Variants in CNIH3 observed in about 807,000 individuals in gnomAD.
CNIH3 encodes the protein protein cornichon homolog 3.
CNIH3 carries 14 observed loss-of-function variants against 24.1 expected under a neutral mutation model. That is an observed-to-expected ratio of 0.58 (90% CI 0.38 to 0.91). The LOEUF (loss-of-function observed/expected upper bound fraction) is 0.91. Among genes scored for constraint, CNIH3 ranks in the 40% least tolerant of loss-of-function variants. The pLI, the probability that CNIH3 is intolerant of heterozygous loss-of-function variation, is 0.00. For synonymous variants in CNIH3, 68 were observed against 73.8 expected (o/e 0.92, Z 0.40); for missense variants, 178 against 196.8 (o/e 0.90, Z 0.57).
At chr1:224,456,264 G>A (rs572344086) in intron 1 of CNIH3, among the ~76,000 whole-genome samples, 1 of 152,114 alleles carries the variant, frequency 6.6e-6, no homozygotes, top group East Asian at 1.9e-4. Context: ...GCATAGCAAC[G>A]TTCCATCCAC....
intron 1 of CNIH3, among the ~76,000 whole-genome samples, chr1:224,452,579 A>G (rs1229628541): frequency 1.3e-5 from 2 of 149,710 alleles, no homozygotes; most frequent in African/African-American, 4.9e-5. Flanking sequence ...CAGGAGATTG[A>G]GACCATCCTG....
In CNIH3 at chr1:224,702,091, GTT is replaced by G. The variant is rs34747065; in HGVS notation, c.198+17257_198+17258del. On this transcript the variant is annotated intron_variant, in intron 3 of 5. Transcript: ENST00000272133. ...ATGCACAGATATACACTCCAGCTCA[GTT>G]TTTTTTTTGTTTCTCTTTCCTAATA... 2.6e-5 allele frequency among the ~76,000 whole-genome samples: 4 copies of G among 151,090 alleles called. 1 individual carries two copies. Among genetic ancestry groups the G allele is most frequent in the Non-Finnish European group, 5.9e-5 (4 of 67,840 alleles).
intron 3 of CNIH3, among the ~76,000 whole-genome samples, chr1:224,609,466 G>A (rs1040676310): frequency 1.3e-5 from 2 of 152,208 alleles, no homozygotes; most frequent in Middle Eastern, 3.4e-3. Flanking sequence ...TGTTTGGATG[G>A]GGGTGTTGAG....
chr1:224,700,447 C>G (rs1687424828), intron 3 of CNIH3, among the ~76,000 whole-genome samples: 1 of 152,150 alleles, frequency 6.6e-6, no homozygotes, highest in Admixed American at 6.5e-5. Context: ...AAACAACATC[C>G]CATTGGCTAG....
chr1:224,664,727 T>G (rs1053672332), intron 1 of CNIH3: 2 of 152,196 alleles, frequency 1.3e-5, no homozygotes, highest in Non-Finnish European at 2.9e-5. Flanking sequence ...TCTGGGAAAC[T>G]TATTTTTAAT....
rs779741438 is a variant in CNIH3 at position 224,434,688 on chromosome 1, TGCG to T, written n.46_48del. ...CGCTGGGCTGAGCCCCGGCAGTGGC[TGCG>T]GCGGCGGCGGCGGCGGGCGGCAGCG... On this transcript the variant is annotated non_coding_transcript_exon_variant, in exon 1 of 6. Transcript: ENST00000471578. The T allele has an allele frequency of 4.6e-3, 3,991 of 876,890 alleles. 1 individual carries two copies. Among genetic ancestry groups the T allele is most frequent in the Non-Finnish European group, 4.9e-3 (3,624 of 733,908 alleles). 54.3% of individuals were successfully genotyped at this position (876,890 alleles called of 1,614,324 possible).
chr1:224,661,574 C>A, intron 1 of CNIH3: 1 of 378,710 alleles, frequency 2.6e-6, no homozygotes, highest in Non-Finnish European at 5.1e-6. Flanking sequence ...GGGTCTCTTC[C>A]ACCAAAAAAT....
At chr1:224,635,724 C>G (rs1684056983) in intron 1 of CNIH3, among the ~76,000 whole-genome samples, 1 of 152,222 alleles carries the variant, frequency 6.6e-6, no homozygotes, top group Non-Finnish European at 1.5e-5. Flanking sequence ...TCGTTAGAGA[C>G]AGGGTCTCAC....
chr1:224,574,106 T>C (rs1262854585), intron 4 of CNIH3, among the ~76,000 whole-genome samples: 1 of 152,168 alleles, frequency 6.6e-6, no homozygotes, highest in Admixed American at 6.5e-5. Flanking sequence ...ATTTTAATAG[T>C]ATATTTATAC....
chr1:224,689,374 A>G (rs1686817655), intron 3 of CNIH3, among the ~76,000 whole-genome samples: 1 of 152,206 alleles, frequency 6.6e-6, no homozygotes, highest in African/African-American at 2.4e-5. Context: ...ACCCTTTATG[A>G]CATCACTAAG....
intron 1 of CNIH3, among the ~76,000 whole-genome samples, chr1:224,671,264 C>T (rs1304599381): frequency 6.6e-6 from 1 of 152,236 alleles, no homozygotes; most frequent in African/African-American, 2.4e-5. Context: ...GGAGTTAGGG[C>T]AAGACTCTGG....
intron 1 of CNIH3, among the ~76,000 whole-genome samples, chr1:224,506,281 G>GCA (rs1381136132): frequency 0.02 from 1,485 of 72,596 alleles, 13 homozygotes; most frequent in Non-Finnish European, 0.027. Flanking sequence ...GCGCGCGCGC[G>GCA]CGCGCGCACA....
downstream of CNIH3, among the ~76,000 whole-genome samples, chr1:224,589,514 G>A (rs1041428608): frequency 1.3e-5 from 2 of 152,176 alleles, no homozygotes; most frequent in African/African-American, 4.8e-5. Flanking sequence ...GACTCCTAGG[G>A]GGTTTGGCCA....
At chr1:224,479,177 G>C (rs1355137893) in intron 1 of CNIH3, among the ~76,000 whole-genome samples, 1 of 91,228 alleles carries the variant, frequency 1.1e-5, no homozygotes, top group East Asian at 3.7e-4. Context: ...TTTTGAGACA[G>C]AGTTTCACAC....
chr1:224,638,099 G>A (rs1451100357), intron 1 of CNIH3, among the ~76,000 whole-genome samples: 2 of 152,248 alleles, frequency 1.3e-5, no homozygotes, highest in African/African-American at 2.4e-5. Flanking sequence ...CTCATGCAGC[G>A]AGATGGAAGA....
intron 1 of CNIH3, among the ~76,000 whole-genome samples, chr1:224,637,899 C>A (rs906094131): frequency 1.3e-5 from 2 of 152,224 alleles, no homozygotes; most frequent in East Asian, 3.8e-4. Context: ...CCCTCTCTGC[C>A]AGTGGCACCT....
In CNIH3 at chr1:224,593,830, T is replaced by C. The variant is rs74146396; in HGVS notation, n.402+27566T>C. ...GACATTTGCTCCCCTCTGTTGCTGT[T>C]CTTATCAAGATAATAGATGGCTTCT... On this transcript the variant is annotated intron_variant and non_coding_transcript_variant, in intron 3 of 7. Transcript: ENST00000478120. Among the ~76,000 whole-genome samples, 1,264 of 152,366 alleles carry C rather than the reference T, an allele frequency of 8.3e-3. 21 individuals carry two copies. The highest frequency in any genetic ancestry group is 0.029 in the African/African-American group (1,206 of 41,586).
intron 1 of CNIH3, among the ~76,000 whole-genome samples, chr1:224,451,152 T>C (rs536755913): frequency 6.6e-6 from 1 of 152,332 alleles, no homozygotes; most frequent in East Asian, 1.9e-4. Flanking sequence ...GAGCTGTTCC[T>C]AGTGCAGTTG....
At chr1:224,736,530 G>A (rs1198019634) in intron 5 of CNIH3, among the ~76,000 whole-genome samples, 1 of 152,230 alleles carries the variant, frequency 6.6e-6, no homozygotes, top group Non-Finnish European at 1.5e-5. Context: ...AGATTCCTGG[G>A]CTTATAGCTA....
Sources: allele counts gnomAD v4.1 joint callset (sites outside exome capture counted in the v4.1 genomes callset), GRCh38; gene constraint gnomAD v4.1.1; transcripts MANE v1.5; gene names NCBI Gene and HGNC (gene_info 2026-07-23, HGNC 2026-07-21).